Variants in CACNA1D observed in about 807,000 individuals in gnomAD.
CACNA1D encodes calcium voltage-gated channel subunit alpha1 D.
In CACNA1D, 55 loss-of-function variants were observed where a neutral mutation model predicts 257.1. The observed-to-expected ratio is 0.21, with a 90% CI of 0.17 to 0.27. The LOEUF is 0.27. CACNA1D is among the 10% of genes least tolerant of loss of function. CACNA1D has a pLI of 1.00. For synonymous variants in CACNA1D, 980 were observed against 1,014.9 expected (o/e 0.97, Z 0.65); for missense variants, 1,876 against 2,784.0 (o/e 0.67, Z 7.34).
intron 3 of CACNA1D, among the ~76,000 whole-genome samples, chr3:53,505,251 G>C (rs1292802894): frequency 6.6e-6 from 1 of 150,588 alleles, no homozygotes; most frequent in Non-Finnish European, 1.5e-5. Context: ...TGGGACTACA[G>C]ACGAGCGCCA....
chr3:53,501,591 A>G (rs558073440), intron 2 of CACNA1D, 24 bp from the exon 3 acceptor site: 77 of 1,210,550 alleles, frequency 6.4e-5, no homozygotes, highest in Non-Finnish European at 9.2e-5. Flanking sequence ...CATAACACAT[A>G]TATACCTTAA....
chr3:53,760,009 T>A (rs1379688095), intron 29 of CACNA1D, among the ~76,000 whole-genome samples: 1 of 152,156 alleles, frequency 6.6e-6, no homozygotes, highest in African/African-American at 2.4e-5. Context: ...ATCATCAGAT[T>A]TGGGGCTCAC....
In CACNA1D at chr3:53,501,622, G is replaced by T; in HGVS notation, c.385G>T (p.Asp129Tyr). 1 of 1,541,486 alleles carries T rather than the reference G, an allele frequency of 6.5e-7. No homozygotes were observed. The change falls in exon 3 of 48, where the codon GAC becomes TAC. Residue 129 changes from aspartate to tyrosine, a missense_variant. This residue lies in a region of CACNA1D where 143 missense variants were observed against 168.7 expected (regional missense o/e 0.85). Transcript: ENST00000350061. ...CISIVEWKPF[D>Y]IFILLAIFAN... ...CTTAACACATTTTTTCAGACCATTT[G>T]ACATATTTATATTATTGGCTATTTT...
At chr3:53,547,608 T>TC (rs1184611547) in intron 3 of CACNA1D, among the ~76,000 whole-genome samples, 4 of 152,234 alleles carry the variant, frequency 2.6e-5, no homozygotes, top group African/African-American at 9.6e-5. Context: ...ATGATGGACG[T>TC]TGCATTTGTG....
chr3:53,523,237 T>C (rs189695396), intron 3 of CACNA1D, among the ~76,000 whole-genome samples: 1 of 152,302 alleles, frequency 6.6e-6, no homozygotes, highest in East Asian at 1.9e-4. Flanking sequence ...GAGATGGGTG[T>C]AGTCCTGCTG....
chr3:53,542,622 A>G (rs740756), intron 3 of CACNA1D, among the ~76,000 whole-genome samples: 33,141 of 152,002 alleles, frequency 0.22, 4,109 homozygotes, highest in Middle Eastern at 0.32. Flanking sequence ...ATATTCAAGA[A>G]TTCTCAGGTC....
chr3:53,693,160 A>G (rs1266293855), intron 8 of CACNA1D, among the ~76,000 whole-genome samples: 1 of 152,218 alleles, frequency 6.6e-6, no homozygotes, highest in Non-Finnish European at 1.5e-5. Flanking sequence ...GTTCCCATGC[A>G]TTTCTTGGCA....
chr3:53,578,870 T>TG (rs1368977544), intron 3 of CACNA1D, among the ~76,000 whole-genome samples: 2 of 152,122 alleles, frequency 1.3e-5, no homozygotes, highest in Non-Finnish European at 2.9e-5. Flanking sequence ...AAAGCATGCT[T>TG]GGGGGATGAT....
intron 3 of CACNA1D, among the ~76,000 whole-genome samples, chr3:53,555,869 G>A (rs2092635832): frequency 6.6e-6 from 1 of 152,108 alleles, no homozygotes; most frequent in Admixed American, 6.5e-5. Flanking sequence ...GTGTGCACGT[G>A]TATACAGTTC....
chr3:53,628,230 T>C (rs2093782212), intron 3 of CACNA1D, among the ~76,000 whole-genome samples: 1 of 152,190 alleles, frequency 6.6e-6, no homozygotes, highest in Admixed American at 6.5e-5. Flanking sequence ...GTGCCTTTTA[T>C]TTGTGTTGTC....
intron 3 of CACNA1D, among the ~76,000 whole-genome samples, chr3:53,647,468 C>T (rs2094034437): frequency 6.6e-6 from 1 of 152,232 alleles, no homozygotes; most frequent in Admixed American, 6.5e-5. Flanking sequence ...GACAGTGCTT[C>T]TTCCTCTGTG....
At chr3:53,708,323 C>T (rs2094713702) in intron 9 of CACNA1D, among the ~76,000 whole-genome samples, 1 of 152,238 alleles carries the variant, frequency 6.6e-6, no homozygotes. Flanking sequence ...GTAAAGCAAA[C>T]AGCAGCAGTT....
intron 3 of CACNA1D, among the ~76,000 whole-genome samples, chr3:53,618,204 T>C (rs1384973595): frequency 6.6e-6 from 1 of 152,172 alleles, no homozygotes; most frequent in African/African-American, 2.4e-5. Context: ...ACCTCAGTTG[T>C]GCTTTTGGAG....
chr3:53,563,265 C>T (rs898845995), intron 3 of CACNA1D, among the ~76,000 whole-genome samples: 1 of 151,920 alleles, frequency 6.6e-6, no homozygotes, highest in Non-Finnish European at 1.5e-5. Flanking sequence ...GGCTCACACC[C>T]GTAATGCCAG....
At position 53,774,198 on chromosome 3, in the gene CACNA1D, G is replaced by T. The variant is rs906964470; in HGVS notation, c.4111-389G>T. Reference sequence around the variant, plus strand: ...ATCACCTGATGTATCTTTCAGTTCTGAGTTTACATGTCACTTCCCCCTAGA... The same window carrying T: ...ATCACCTGATGTATCTTTCAGTTCTTAGTTTACATGTCACTTCCCCCTAGA... On this transcript the variant is annotated intron_variant, in intron 33 of 47. Transcript: ENST00000350061. The surrounding 1 kb of genome is among the most constrained non-coding windows in gnomAD (Gnocchi z 4.3). 6 of 268,420 alleles carry T rather than the reference G, an allele frequency of 2.2e-5. No individual in the cohort carries two copies. The highest frequency in any genetic ancestry group is 1.3e-4 in the African/African-American group (6 of 45,108). The allele number at this position is 268,420 out of a possible 1,614,324, so 16.6% of individuals were successfully genotyped here.
chr3:53,607,167 T>C (rs1163414651), intron 3 of CACNA1D, among the ~76,000 whole-genome samples: 1 of 152,236 alleles, frequency 6.6e-6, no homozygotes, highest in Non-Finnish European at 1.5e-5. Flanking sequence ...ATGCTTTTAT[T>C]ACCCTTGGGA....
chr3:53,576,268 C>T (rs1219289465), intron 3 of CACNA1D, among the ~76,000 whole-genome samples: 1 of 152,102 alleles, frequency 6.6e-6, no homozygotes, highest in Non-Finnish European at 1.5e-5. Context: ...CCAAGAATCT[C>T]CTAAAGTTTG....
intron 3 of CACNA1D, among the ~76,000 whole-genome samples, chr3:53,607,279 A>T (rs2093523574): frequency 6.6e-6 from 1 of 152,230 alleles, no homozygotes; most frequent in African/African-American, 2.4e-5. Context: ...TGAACGTATT[A>T]TGTTACAGGG....
At chr3:53,797,712 G>A (rs946863388) in intron 40 of CACNA1D, 1 of 152,208 alleles carries the variant, frequency 6.6e-6, no homozygotes, top group Non-Finnish European at 1.5e-5. Flanking sequence ...GTGTATTTCA[G>A]TGAAATGTCA....
Sources: allele counts gnomAD v4.1 joint callset (sites outside exome capture counted in the v4.1 genomes callset), GRCh38; gene constraint gnomAD v4.1.1; regional missense constraint gnomAD v4.1.1; non-coding constraint Gnocchi (gnomAD v3.1); transcripts MANE v1.5; gene names NCBI Gene and HGNC (gene_info 2026-07-23, HGNC 2026-07-21).